The following CTXN2 variants were observed in gnomAD, a reference collection of about 807,000 sequenced individuals.
CTXN2 encodes the protein cortexin 2.
In CTXN2, 3 loss-of-function variants were observed where a neutral mutation model predicts 5.7. The observed-to-expected ratio is 0.53, with a 90% CI of 0.24 to 1.36. The LOEUF is 1.36. Among genes scored for constraint, CTXN2 ranks in the 40% most tolerant of loss-of-function variants. The pLI, the probability that CTXN2 is intolerant of heterozygous loss-of-function variation, is 0.17. For synonymous variants in CTXN2, 38 were observed against 36.4 expected (o/e 1.04, Z -0.16); for missense variants, 87 against 93.0 (o/e 0.94, Z 0.26).
At chr15:48,191,102 G>A (rs1187637437), upstream of CTXN2, 2 of 152,476 alleles carry the variant, frequency 1.3e-5, no homozygotes, top group African/African-American at 4.8e-5. Flanking sequence ...GTGTGGAAGA[G>A]AGAAGGGAAA....
intron 1 of CTXN2, among the ~76,000 whole-genome samples, chr15:48,198,226 T>G (rs1460613120): frequency 1.3e-5 from 2 of 152,116 alleles, no homozygotes; most frequent in Non-Finnish European, 2.9e-5. Flanking sequence ...GCTACTGAGT[T>G]TTTATACTTA....
At chr15:48,184,844 C>A (rs2040732766) in intron 1 of CTXN2, among the ~76,000 whole-genome samples, 1 of 152,074 alleles carries the variant, frequency 6.6e-6, no homozygotes, top group Non-Finnish European at 1.5e-5. Flanking sequence ...AGCCTGCACA[C>A]AAATATTTAT....
At chr15:48,192,954 CAT>C (rs1416984538) in intron 1 of CTXN2, among the ~76,000 whole-genome samples, 1 of 152,100 alleles carries the variant, frequency 6.6e-6, no homozygotes, top group African/African-American at 2.4e-5. Context: ...TCACAGAAGA[CAT>C]AAACATCACT....
chr15:48,200,974 G>A (rs2040923501), intron 1 of CTXN2, among the ~76,000 whole-genome samples: 1 of 152,036 alleles, frequency 6.6e-6, no homozygotes, highest in African/African-American at 2.4e-5. Flanking sequence ...AAGATTTTAG[G>A]GCTGATAATT....
At chr15:48,200,264 A>G (rs1287315366) in intron 1 of CTXN2, among the ~76,000 whole-genome samples, 1 of 151,830 alleles carries the variant, frequency 6.6e-6, no homozygotes, top group Non-Finnish European at 1.5e-5. Flanking sequence ...CCTCTTAAAA[A>G]AGGTGGCTGT....
At chr15:48,191,928 T>A (rs2040827590) in intron 1 of CTXN2, 75 bp downstream of exon 1, 1 of 428,402 alleles carries the variant, frequency 2.3e-6, no homozygotes, top group Admixed American at 2.4e-5. Flanking sequence ...CAAATGCAGG[T>A]CCAGATGAGA....
chr15:48,192,008 G>A, intron 1 of CTXN2, 155 bp downstream of exon 1: 2 of 371,302 alleles, frequency 5.4e-6, no homozygotes, highest in South Asian at 2.0e-5. Flanking sequence ...GGAGGAGCCA[G>A]TAGGTCTGAT....
chr15:48,184,172 AAAG>A (rs1041131638), intron 1 of CTXN2, among the ~76,000 whole-genome samples: 26 of 152,312 alleles, frequency 1.7e-4, no homozygotes, highest in African/African-American at 6.0e-4. Context: ...TAGTGTAGAA[AAAG>A]AAGGCCCCTC....
At chr15:48,190,947 G>A (rs183200014), upstream of CTXN2, 8 of 152,246 alleles carry the variant, frequency 5.3e-5, no homozygotes, top group African/African-American at 1.7e-4. Context: ...CAGCTATCTA[G>A]AGCTTTATCA....
At chr15:48,187,007 T>G (rs2040763894), upstream of CTXN2, among the ~76,000 whole-genome samples, 1 of 152,032 alleles carries the variant, frequency 6.6e-6, no homozygotes, top group African/African-American at 2.4e-5. Flanking sequence ...ACAGCAGAAT[T>G]TTTTAGCAGG....
chr15:48,189,153 A>G (rs2140973813), upstream of CTXN2: 1 of 152,334 alleles, frequency 6.6e-6, no homozygotes, highest in South Asian at 2.1e-4. Flanking sequence ...ACTAATACCA[A>G]GGAACCTAAT....
intron 1 of CTXN2, 131 bp downstream of exon 1, chr15:48,191,984 G>A (rs759483852): frequency 5.3e-6 from 2 of 377,650 alleles, no homozygotes; most frequent in Non-Finnish European, 1.1e-5. Context: ...AGAGCGGGGG[G>A]TGGGGCGGTG....
rs1260336740 is a variant in CTXN2 at position 48,191,753 on chromosome 15, C to T, written c.-158C>T. On this transcript the variant is annotated 5_prime_UTR_variant, in exon 1 of 2. Transcript: ENST00000417307. The stretch of plus-strand genomic sequence containing the variant: ...GACTCTACGCAGGTTCCAGAACACG[C>T]CTTCTACATTTGTTACTGAACCGAT... 8.8e-6 allele frequency: 4 copies of T among 455,928 alleles called. No individual in the cohort carries two copies. Among genetic ancestry groups the T allele is most frequent in the African/African-American group, 6.0e-5 (3 of 50,038 alleles). 28.2% of individuals were successfully genotyped at this position (455,928 alleles called of 1,614,324 possible). A position where few individuals can be genotyped will look rare whatever the true frequency, so the allele number is the denominator to read the frequency against.
At chr15:48,198,668 C>T (rs898943727) in intron 1 of CTXN2, among the ~76,000 whole-genome samples, 3 of 152,104 alleles carry the variant, frequency 2.0e-5, no homozygotes, top group African/African-American at 7.2e-5. Context: ...TAAAAAATGC[C>T]TCTTTTTGCT....
chr15:48,184,326 C>T (rs1405540967), intron 1 of CTXN2, among the ~76,000 whole-genome samples: 2 of 152,006 alleles, frequency 1.3e-5, no homozygotes, highest in East Asian at 3.9e-4. Context: ...AACTCTGATA[C>T]CAAATATACA....
chr15:48,181,578 T>C (rs1461931200), intron 1 of CTXN2, among the ~76,000 whole-genome samples: 4 of 152,108 alleles, frequency 2.6e-5, no homozygotes, highest in Non-Finnish European at 5.9e-5. Flanking sequence ...TATTTTGTCT[T>C]TAAGAATTAA....
upstream of CTXN2, chr15:48,191,640 AC>A (rs2040823661): frequency 2.2e-6 from 1 of 445,942 alleles, no homozygotes; most frequent in Admixed American, 2.4e-5. Context: ...GCGCACACGT[AC>A]TTCGGCGGGC....
At chr15:48,191,019 A>C (rs1234696447), upstream of CTXN2, 4 of 152,322 alleles carry the variant, frequency 2.6e-5, no homozygotes, top group African/African-American at 9.6e-5. Context: ...AGGTCTCACC[A>C]CGCACCATTT....
chr15:48,195,739 CTTCT>C (rs2040872505), intron 1 of CTXN2, among the ~76,000 whole-genome samples: 1 of 152,070 alleles, frequency 6.6e-6, no homozygotes, highest in Non-Finnish European at 1.5e-5. Flanking sequence ...CTTTTTGGAT[CTTCT>C]TTTTTTTCAC....
Sources: allele counts gnomAD v4.1 joint callset (sites outside exome capture counted in the v4.1 genomes callset), GRCh38; gene constraint gnomAD v4.1.1; transcripts MANE v1.5; gene names NCBI Gene and HGNC (gene_info 2026-07-23, HGNC 2026-07-21).